GLUD1: variants seen among roughly 807,000 people sequenced by gnomAD.
The protein encoded by GLUD1 is glutamate dehydrogenase 1, mitochondrial.
A neutral mutation model predicts 56.0 loss-of-function variants in GLUD1; 22 were observed. The ratio of observed to expected loss-of-function variants is 0.39; its 90% CI spans 0.28 to 0.56. The LOEUF is 0.56. GLUD1 is among the 20% of genes least tolerant of loss of function. The pLI is 0.58. For missense variants in GLUD1, 451 were observed against 732.0 expected, an observed-to-expected ratio of 0.62 and a Z score of 4.43; for synonymous variants, 223 against 269.9, an observed-to-expected ratio of 0.83 and a Z score of 1.70.
intron 10 of GLUD1, 34 bp from the exon 11 acceptor site, chr10:87,057,816 T>TAA: frequency 1.1e-6 from 1 of 910,634 alleles, no homozygotes; most frequent in Admixed American, 2.1e-5. Flanking sequence ...AAGATATTGC[T>TAA]AACAGAAAAA....
At chr10:87,053,191 C>T (rs1845684027) in intron 12 of GLUD1, 151 bp downstream of exon 12, 5 of 682,942 alleles carry the variant, frequency 7.3e-6, no homozygotes, top group South Asian at 6.3e-5. Context: ...TCATCTGAGA[C>T]TGAAAAAACA....
In GLUD1 at chr10:87,093,907, A is replaced by G. The variant is rs1235808640; in HGVS notation, c.445+418T>C. On this transcript the variant is annotated intron_variant, in intron 1 of 12. Transcript: ENST00000277865. ...TGAACAAATACCAGAAAATAATTTG[A>G]CAGCTTGCATTTAGGGGAGACTCAC... 3 of 1,323,606 alleles carry G rather than the reference A, an allele frequency of 2.3e-6. No homozygotes were observed. In the Admixed American group the frequency reaches 6.7e-5, roughly 30 times the overall value. The allele number at this position is 1,323,606 out of a possible 1,614,324, so 82.0% of individuals were successfully genotyped here.
chr10:87,093,385 T>C (rs1841580679), intron 1 of GLUD1, among the ~76,000 whole-genome samples: 1 of 152,062 alleles, frequency 6.6e-6, no homozygotes, highest in South Asian at 2.1e-4. Context: ...ACTAAAGAGG[T>C]ATGATGCAAT....
chr10:87,092,615 G>C (rs968883553), intron 1 of GLUD1: 31 of 981,996 alleles, frequency 3.2e-5, no homozygotes, highest in Non-Finnish European at 3.6e-5. Flanking sequence ...CAGTGAGTTT[G>C]CGGAGCTGCG....
intron 4 of GLUD1, among the ~76,000 whole-genome samples, chr10:87,069,806 T>C (rs1252236128): frequency 6.6e-6 from 1 of 152,164 alleles, no homozygotes; most frequent in African/African-American, 2.4e-5. Context: ...TGTAACTCTA[T>C]GTCTTAGCAC....
intron 5 of GLUD1, among the ~76,000 whole-genome samples, chr10:87,065,272 CAAAAAAAA>C (rs59540767): frequency 9.9e-5 from 6 of 60,796 alleles, no homozygotes; most frequent in African/African-American, 2.3e-4. Context: ...GACTCCGTCT[CAAAAAAAA>C]AAAAAAAAAA....
chr10:87,060,241 T>C lies in GLUD1; in HGVS notation c.1198A>G (p.Ile400Val). Reference sequence around the variant, plus strand: ...GGCCCATTGGCACCTTCAGCAATGATCTGCAAGAGAGTCAGGAACATAGAG... The same window carrying C: ...GGCCCATTGGCACCTTCAGCAATGACCTGCAAGAGAGTCAGGAACATAGAG... ...KSNAPRVKAKIIAEGANGPTT... is the reference protein window; with the variant it reads ...KSNAPRVKAKVIAEGANGPTT... Residue 400 changes from isoleucine (I) to valine (V), a missense_variant and splice_region_variant, in exon 9 of 13, where the codon ATC becomes GTC. Transcript: ENST00000277865. 6.2e-7 allele frequency: 1 copy of C among 1,601,566 alleles called. No homozygotes were observed. Among genetic ancestry groups the C allele is most frequent in the Non-Finnish European group, 8.6e-7 (1 of 1,168,556 alleles).
At position 87,063,151 on chromosome 10, in the gene GLUD1, G is replaced by A. The variant is rs528192261; in HGVS notation, c.742-316C>T. Reference sequence around the variant, plus strand: ...TGCAATGGTGAGATCTTGGCTCATCGCAACCTCCACCTCCCAGGTTCAAGC... The same window carrying A: ...TGCAATGGTGAGATCTTGGCTCATCACAACCTCCACCTCCCAGGTTCAAGC... On this transcript the variant is annotated intron_variant, in intron 5 of 12. Transcript: ENST00000277865. Among the ~76,000 whole-genome samples, 8 of 151,268 alleles carry A rather than the reference G, an allele frequency of 5.3e-5. No individual in the cohort carries two copies. In the South Asian group the frequency reaches 1.2e-3, roughly 24 times the overall value.
chr10:87,063,523 A>G (rs1845990994), intron 5 of GLUD1, among the ~76,000 whole-genome samples: 1 of 152,228 alleles, frequency 6.6e-6, no homozygotes, highest in African/African-American at 2.4e-5. Flanking sequence ...AGGTACATAC[A>G]CATCCCATTC....
At chr10:87,067,483 C>T (rs778052443) in intron 5 of GLUD1, among the ~76,000 whole-genome samples, 2 of 152,252 alleles carry the variant, frequency 1.3e-5, no homozygotes, top group Non-Finnish European at 2.9e-5. Context: ...GCCTTGGCCA[C>T]CCAAAGTGCT....
At chr10:87,083,727 G>A (rs958654945) in intron 1 of GLUD1, among the ~76,000 whole-genome samples, 8 of 152,214 alleles carry the variant, frequency 5.3e-5, no homozygotes, top group African/African-American at 1.9e-4. Context: ...GCTCATGCCT[G>A]TAGTCCTAGC....
At chr10:87,056,861 C>T (rs1845790735) in intron 11 of GLUD1, among the ~76,000 whole-genome samples, 2 of 151,094 alleles carry the variant, frequency 1.3e-5, no homozygotes, top group South Asian at 4.2e-4. Flanking sequence ...ATTTGTATTT[C>T]TTTAACAATG....
chr10:87,062,526 T>G, intron 6 of GLUD1, 130 bp downstream of exon 6: 1 of 779,474 alleles, frequency 1.3e-6, no homozygotes, highest in South Asian at 1.6e-5. Context: ...TCTATTACTC[T>G]GAAAACCACC....
chr10:87,061,451 G>A (rs1345795387), intron 6 of GLUD1, among the ~76,000 whole-genome samples: 1 of 152,084 alleles, frequency 6.6e-6, no homozygotes, highest in Non-Finnish European at 1.5e-5. Context: ...CTGGGAGGTG[G>A]AGGTTGCAGT....
In GLUD1 at chr10:87,060,230, T is replaced by C. The variant is rs1476137560; in HGVS notation, c.1209A>G (p.Glu403=). The C allele has an allele frequency of 2.9e-5, 46 of 1,608,382 alleles. No homozygotes were observed. Among genetic ancestry groups the C allele is most frequent in the Non-Finnish European group, 3.7e-5 (43 of 1,174,864 alleles). Residue 403 remains glutamate, a synonymous_variant, in exon 9 of 13, where the codon GAA becomes GAG. Coordinates refer to ENST00000277865, the MANE Select transcript of GLUD1 (RefSeq NM_005271.5). ...CTGGAGTTGTTGGCCCATTGGCACC[T>C]TCAGCAATGATCTGCAAGAGAGTCA... ...APRVKAKIIA[E]GANGPTTPEA... is the part of the protein sequence containing the mutation.
chr10:87,061,619 A>AT (rs879261811), intron 6 of GLUD1, among the ~76,000 whole-genome samples: 1,493 of 142,384 alleles, frequency 0.01, 12 homozygotes, highest in African/African-American at 0.026. Flanking sequence ...GAGAAATACA[A>AT]TTTTTTTTTT....
intron 5 of GLUD1, among the ~76,000 whole-genome samples, chr10:87,064,027 A>G (rs1846006473): frequency 1.3e-5 from 2 of 151,770 alleles, no homozygotes; most frequent in Admixed American, 1.3e-4. Context: ...ACAGGCACCC[A>G]CCATCACGCC....
intron 6 of GLUD1, among the ~76,000 whole-genome samples, chr10:87,061,648 A>T (rs1845934914): frequency 1.3e-5 from 2 of 150,906 alleles, no homozygotes; most frequent in Admixed American, 6.6e-5. Context: ...ACCGAGTCTC[A>T]TTCTCTCACA....
In GLUD1 at chr10:87,060,819, C is replaced by A. The variant is rs1337384744; in HGVS notation, c.1066G>T (p.Gly356Trp). The change falls in exon 8 of 13, where the codon GGG (glycine) becomes TGG (tryptophan). Residue 356 changes from glycine (G) to tryptophan (W), a missense_variant. Coordinates refer to ENST00000277865, the MANE Select transcript of GLUD1 (RefSeq NM_005271.5). ...KELEDFKLQHGSILGFPKAKP... is the reference protein window; with the variant it reads ...KELEDFKLQHWSILGFPKAKP... Reference sequence around the variant, plus strand: ...GCCTTGGGGAAGCCCAGAATGGACCCATGTTGCTGCCATTGATTGAAAATC... The same window carrying A: ...GCCTTGGGGAAGCCCAGAATGGACCAATGTTGCTGCCATTGATTGAAAATC... 6.2e-7 allele frequency: 1 copy of A among 1,614,180 alleles called. No individual in the cohort carries two copies. The highest frequency in any genetic ancestry group is 1.1e-5 in the South Asian group (1 of 91,086).
Sources: allele counts gnomAD v4.1 joint callset (sites outside exome capture counted in the v4.1 genomes callset), GRCh38; gene constraint gnomAD v4.1.1; transcripts MANE v1.5; gene names NCBI Gene and HGNC (gene_info 2026-07-23, HGNC 2026-07-21).